RNF2: variants seen among roughly 807,000 people sequenced by gnomAD.
RNF2 encodes the protein E3 ubiquitin-protein ligase RING2.
RNF2 carries 6 observed loss-of-function variants against 37.2 expected under a neutral mutation model. That is an observed-to-expected ratio of 0.16 (90% CI 0.09 to 0.32). The LOEUF is 0.32. Ranked by LOEUF, RNF2 falls within the 10% of genes least tolerant of loss-of-function variation. The pLI is 1.00. For synonymous variants in RNF2, 133 were observed against 132.7 expected (o/e 1.00, Z -0.02); for missense variants, 251 against 404.0 (o/e 0.62, Z 3.25).
At chr1:185,048,254 C>CCATT (rs1650173345) in intron 1 of RNF2, among the ~76,000 whole-genome samples, 1 of 152,030 alleles carries the variant, frequency 6.6e-6, no homozygotes, top group Non-Finnish European at 1.5e-5. Flanking sequence ...TAGGTGTGAC[C>CCATT]CATTATCCAG....
chr1:185,083,525 G>T (rs567210704), intron 1 of RNF2, among the ~76,000 whole-genome samples: 1 of 152,116 alleles, frequency 6.6e-6, no homozygotes, highest in African/African-American at 2.4e-5. Context: ...CCCACTCAGG[G>T]TCTCTCCTGC....
At chr1:185,047,878 ATGGTTAATTTCTCGAT>A (rs777656215) in intron 1 of RNF2, among the ~76,000 whole-genome samples, 25 of 152,214 alleles carry the variant, frequency 1.6e-4, no homozygotes, top group Non-Finnish European at 3.2e-4. Flanking sequence ...TCATCAGACA[ATGGTTAATTTCTCGAT>A]TGATTCATTT....
At chr1:185,051,995 A>G (rs544258753) in intron 1 of RNF2, among the ~76,000 whole-genome samples, 60 of 151,356 alleles carry the variant, frequency 4.0e-4, no homozygotes, top group African/African-American at 1.4e-3. Context: ...ACACTTCTCA[A>G]ATTAAGAAGT....
intron 3 of RNF2, 81 bp from the exon 4 acceptor site, chr1:185,092,976 ATAAC>A (rs2102201732): frequency 8.9e-7 from 1 of 1,117,670 alleles, no homozygotes; most frequent in Non-Finnish European, 1.3e-6. Flanking sequence ...ATAAAGGTGA[ATAAC>A]TATCCAGAAG....
At chr1:185,098,389 T>A (rs746021884) in intron 5 of RNF2, 45 bp downstream of exon 5, 2 of 1,590,046 alleles carry the variant, frequency 1.3e-6, no homozygotes, top group Non-Finnish European at 1.7e-6. Flanking sequence ...TCAGAATGTT[T>A]AATTTGGAGG....
At chr1:185,100,002 C>T in intron 6 of RNF2, 40 bp downstream of exon 6, 1 of 1,559,828 alleles carries the variant, frequency 6.4e-7, no homozygotes, top group South Asian at 1.2e-5. Context: ...ACTGGGAGCA[C>T]ACTGACCAAC....
At chr1:185,052,374 ATAT>A (rs1466288009) in intron 1 of RNF2, among the ~76,000 whole-genome samples, 1 of 152,252 alleles carries the variant, frequency 6.6e-6, no homozygotes, top group African/African-American at 2.4e-5. Context: ...TTACAGTGGA[ATAT>A]TATTCAGCCA....
At chr1:185,084,748 G>A (rs1198667375) in intron 1 of RNF2, among the ~76,000 whole-genome samples, 2 of 152,186 alleles carry the variant, frequency 1.3e-5, no homozygotes, top group Non-Finnish European at 1.5e-5. Flanking sequence ...AATAATTTAG[G>A]ATTATAAGAA....
intron 2 of RNF2, among the ~76,000 whole-genome samples, chr1:185,088,631 T>G (rs2102196056): frequency 6.6e-6 from 1 of 151,938 alleles, no homozygotes; most frequent in East Asian, 1.9e-4. Flanking sequence ...ACAGGCTTAA[T>G]AAGATGAAGG....
chr1:185,065,363 A>G (rs954866583), intron 1 of RNF2, among the ~76,000 whole-genome samples: 6 of 152,256 alleles, frequency 3.9e-5, no homozygotes, highest in Admixed American at 1.3e-4. Flanking sequence ...AAAGCTGGCC[A>G]CCGAAGGCCC....
In RNF2 at chr1:185,087,655, G is replaced by T; in HGVS notation, c.87+15G>T. 1.9e-6 allele frequency: 3 copies of T among 1,589,274 alleles called. No individual in the cohort carries two copies. In the South Asian group the frequency reaches 3.3e-5, roughly 18 times the overall value. Reference sequence around the variant, plus strand: ...GAACACCTCAGGTAATGACTAAGATGACTGCCAAGGGGCATATGAGACGTG... The same window carrying T: ...GAACACCTCAGGTAATGACTAAGATTACTGCCAAGGGGCATATGAGACGTG... On this transcript the variant is annotated intron_variant, in intron 2 of 6. Transcript: ENST00000367510.
intron 2 of RNF2, among the ~76,000 whole-genome samples, chr1:185,089,202 A>G (rs896054570): frequency 3.3e-5 from 5 of 152,144 alleles, no homozygotes; most frequent in African/African-American, 1.2e-4. Context: ...TAATGCCACC[A>G]CTGATCTGAC....
rs1651641027 is a variant in RNF2 at position 185,087,610 on chromosome 1, C to G, written c.57C>G (p.Leu19=). 1 of 1,614,086 alleles carries G rather than the reference C, an allele frequency of 6.2e-7. No homozygotes were observed. The highest frequency in any genetic ancestry group is 1.1e-5 in the South Asian group (1 of 91,070). The change falls in exon 2 of 7, where the codon CTC becomes CTG. Residue 19 remains leucine, a synonymous_variant. Coordinates refer to ENST00000367510, the MANE Select transcript of RNF2 (RefSeq NM_007212.4). ...AACCATTAAGCAAAACATGGGAACT[C>G]AGTTTATATGAGTTACAACGAACAC... ...GTQPLSKTWE[L]SLYELQRTPQ...
chr1:185,069,165 T>C (rs140501654), intron 1 of RNF2, among the ~76,000 whole-genome samples: 417 of 152,242 alleles, frequency 2.7e-3, no homozygotes, highest in Middle Eastern at 0.01. Flanking sequence ...ATTGAAAATA[T>C]ACATTTGGCT....
At position 185,086,152 on chromosome 1, in the gene RNF2, C is replaced by T. The variant is rs1018242682; in HGVS notation, c.-2-1400C>T. ...ATCTCTACCAAAGCCTCCTTAACTCCTCAAATTCCCCAATCCACCTCTATA... is the reference window on the plus strand; with the variant it reads ...ATCTCTACCAAAGCCTCCTTAACTCTTCAAATTCCCCAATCCACCTCTATA... On this transcript the variant is annotated intron_variant, in intron 1 of 6. Coordinates refer to ENST00000367510, the MANE Select transcript of RNF2 (RefSeq NM_007212.4). 3.3e-5 allele frequency among the ~76,000 whole-genome samples: 5 copies of T among 152,108 alleles called. No individual in the cohort carries two copies. In the South Asian group the frequency reaches 1.0e-3, roughly 32 times the overall value.
At chr1:185,072,702 A>G (rs1466516775) in intron 1 of RNF2, among the ~76,000 whole-genome samples, 2 of 152,180 alleles carry the variant, frequency 1.3e-5, no homozygotes, top group African/African-American at 4.8e-5. Flanking sequence ...GCACTTTGGG[A>G]GGCTGAGGCG....
In RNF2 at chr1:185,100,338, T is replaced by C. The variant is rs1652043517; in HGVS notation, c.*37T>C. On this transcript the variant is annotated 3_prime_UTR_variant, in exon 7 of 7. Transcript: ENST00000367510. ...CCAATTCTGAGACTGAACTTTTTTA[T>C]AGCCTATTTCTTTAATATTAAAGAT... 7 of 1,366,414 alleles carry C rather than the reference T, an allele frequency of 5.1e-6. No homozygotes were observed. The highest frequency in any genetic ancestry group is 7.2e-6 in the Non-Finnish European group (7 of 973,338). 84.6% of individuals were successfully genotyped at this position (1,366,414 alleles called of 1,614,324 possible). A position where few individuals can be genotyped will look rare whatever the true frequency, so the allele number is the denominator to read the frequency against.
intron 1 of RNF2, among the ~76,000 whole-genome samples, chr1:185,077,685 G>C (rs1571312806): frequency 8.0e-6 from 1 of 125,348 alleles, no homozygotes; most frequent in Non-Finnish European, 1.6e-5. Context: ...CAACTAAATT[G>C]TACTTTCATG....
At chr1:185,069,482 C>G (rs1376598735) in intron 1 of RNF2, among the ~76,000 whole-genome samples, 1 of 149,462 alleles carries the variant, frequency 6.7e-6, no homozygotes, top group Non-Finnish European at 1.5e-5. Flanking sequence ...AAAAGAAATG[C>G]AGAACATACA....
Sources: gnomAD v4.1 joint callset for allele counts (sites outside exome capture counted in the v4.1 genomes callset) on GRCh38, gnomAD v4.1.1 for gene constraint, MANE v1.5 for transcripts, NCBI Gene and HGNC (gene_info 2026-07-23, HGNC 2026-07-21) for gene names.